THAP9: variants seen among roughly 807,000 people sequenced by gnomAD.
The protein encoded by THAP9 is DNA transposase THAP9.
Under a neutral mutation model 35.7 loss-of-function variants are expected in THAP9, and 20 were observed. The ratio of observed to expected loss-of-function variants is 0.56; its 90% CI spans 0.39 to 0.81. THAP9 has a LOEUF of 0.81. THAP9 is among the 40% of genes least tolerant of loss of function. The pLI, the probability that THAP9 is intolerant of heterozygous loss-of-function variation, is 0.00. For missense variants in THAP9, 870 were observed against 1,047.4 expected (o/e 0.83, Z 2.34); for synonymous variants, 335 against 373.7 (o/e 0.90, Z 1.19).
At chr4:82,910,059 T>G (rs1422166315) in intron 4 of THAP9, 1 of 152,142 alleles carries the variant, frequency 6.6e-6, no homozygotes, top group East Asian at 1.9e-4. Context: ...AGATTTCAGG[T>G]AACTTCTTAT....
rs979240484 is a variant in THAP9, at chr4:82,904,605, T to G, written c.81-131T>G. 7 of 839,336 alleles carry G rather than the reference T, an allele frequency of 8.3e-6. No homozygotes were observed. The African/African-American group carries it at 1.2e-4, about 14-fold the overall frequency. 52.0% of individuals were successfully genotyped at this position (839,336 alleles called of 1,614,324 possible). A position where few individuals can be genotyped will look rare whatever the true frequency, so the allele number is the denominator to read the frequency against. The stretch of plus-strand genomic sequence containing the variant: ...ACTTTGAAAAATGAACTAAGTAAAT[T>G]AAACTTTTAATTCACTTGGCTTTAT... On this transcript the variant is annotated intron_variant, in intron 1 of 4. Coordinates refer to ENST00000302236, the MANE Select transcript of THAP9 (RefSeq NM_024672.6).
rs564705394 is a variant in THAP9, at chr4:82,900,883, G to A, written c.80+1G>A. On this transcript the variant is annotated splice_donor_variant, in intron 1 of 4. Transcript: ENST00000302236. LOFTEE classifies it high-confidence loss of function. ...GGGAGCGCGGCCTCTCCTTCCACCA[G>A]TGCGTATGGGAGCAGCCTCGAAGCC... 2.5e-6 allele frequency: 4 copies of A among 1,613,284 alleles called. No homozygotes were observed. Among genetic ancestry groups the A allele is most frequent in the East Asian group, 2.2e-5 (1 of 44,866 alleles).
chr4:82,901,522 C>T (rs1720373673), intron 1 of THAP9, among the ~76,000 whole-genome samples: 1 of 151,676 alleles, frequency 6.6e-6, no homozygotes, highest in South Asian at 2.1e-4. Context: ...ATGGAAAGAT[C>T]AAAAAGAACT....
intron 4 of THAP9, chr4:82,910,004 G>C (rs1354147588): frequency 2.0e-5 from 3 of 151,926 alleles, no homozygotes; most frequent in Non-Finnish European, 4.4e-5. Flanking sequence ...CTCTTCACTG[G>C]TTTTAAAGCA....
chr4:82,918,237 A>G lies in THAP9; in HGVS notation c.2025A>G (p.Gln675=), dbSNP rs145354955. ...RRKDLALWTV[Q]RQYGVSVTKT... ...AAGACTTGGCGCTTTGGACAGTTCA[A>G]CGTCAGTATGGTGTCAGCGTTACAA... The change falls in exon 5 of 5, where the codon CAA becomes CAG. Residue 675 remains glutamine (Q), a synonymous_variant. Coordinates refer to ENST00000302236, the MANE Select transcript of THAP9 (RefSeq NM_024672.6). 1.9e-4 allele frequency: 302 copies of G among 1,614,194 alleles called. 1 individual carries two copies. In the East Asian group the frequency reaches 5.7e-3, roughly 30 times the overall value.
chr4:82,915,816 A>G (rs1380530627), intron 4 of THAP9, among the ~76,000 whole-genome samples: 2 of 152,016 alleles, frequency 1.3e-5, no homozygotes, highest in African/African-American at 4.8e-5. Flanking sequence ...GCATCCTATA[A>G]ATACTGTATT....
chr4:82,902,619 T>C (rs1385764425), intron 1 of THAP9, among the ~76,000 whole-genome samples: 1 of 152,190 alleles, frequency 6.6e-6, no homozygotes, highest in African/African-American at 2.4e-5. Flanking sequence ...CTATACCCAA[T>C]CTGTGGAAAA....
chr4:82,901,109 C>T (rs1560689915), intron 1 of THAP9: 8 of 699,352 alleles, frequency 1.1e-5, no homozygotes, highest in East Asian at 1.1e-4. Context: ...CTCGCACCGC[C>T]TACCGCTTTA....
intron 4 of THAP9, among the ~76,000 whole-genome samples, chr4:82,908,301 A>G (rs1358994735): frequency 6.6e-6 from 1 of 152,194 alleles, no homozygotes; most frequent in East Asian, 1.9e-4. Flanking sequence ...AGTATACTTC[A>G]GTAGTTTAAT....
At position 82,918,520 on chromosome 4, in the gene THAP9, C is replaced by T. The variant is rs774769281; in HGVS notation, c.2308C>T (p.Arg770Trp). The T allele has an allele frequency of 8.1e-6, 13 of 1,614,088 alleles. No individual in the cohort carries two copies. Among genetic ancestry groups the T allele is most frequent in the South Asian group, 5.5e-5 (5 of 91,070 alleles). Residue 770 changes from arginine to tryptophan, a missense_variant, in exon 5 of 5, where the codon CGG (arginine) becomes TGG (tryptophan). Transcript: ENST00000302236. ...GCATTTTCCTTCAGAAAGTCTGTGT[C>T]GGGTCATAAATATTTGTGAGCGAGT... ...GLHFPSESLCRVINICERVVR... is the reference protein window; with the variant it reads ...GLHFPSESLCWVINICERVVR...
chr4:82,915,478 A>G (rs556665286), intron 4 of THAP9, among the ~76,000 whole-genome samples: 1 of 152,138 alleles, frequency 6.6e-6, no homozygotes, highest in East Asian at 1.9e-4. Flanking sequence ...GCTGGTCTCA[A>G]ACTCCTGACC....
rs1217068315 is a variant in THAP9 at position 82,918,628 on chromosome 4, G to A, written c.2416G>A (p.Glu806Lys). 3.7e-6 allele frequency: 6 copies of A among 1,613,946 alleles called. No individual in the cohort carries two copies. Among genetic ancestry groups the A allele is most frequent in the Middle Eastern group, 3.3e-4 (2 of 6,084 alleles). The change falls in exon 5 of 5, where the codon GAG becomes AAG. Residue 806 changes from glutamate (E) to lysine (K), a missense_variant. By Grantham distance (56) the Glu-to-Lys change is moderately conservative. Coordinates refer to ENST00000302236, the MANE Select transcript of THAP9 (RefSeq NM_024672.6). ...GTATCTTCAACAGAAAATATTATGT[G>A]AGCTTTCTGGGCATATTAATCTTTT... The part of the protein sequence containing the change: ...ELYLQQKILC[E>K]LSGHINLFVD...
chr4:82,918,622 T>C lies in THAP9; in HGVS notation c.2410T>C (p.Leu804=), dbSNP rs766597973. 1.9e-6 allele frequency: 3 copies of C among 1,613,990 alleles called. No individual in the cohort carries two copies. The highest frequency in any genetic ancestry group is 1.3e-5 in the African/African-American group (1 of 74,948). The change falls in exon 5 of 5, where the codon TTA becomes CTA. Residue 804 remains leucine, a synonymous_variant. Coordinates refer to ENST00000302236, the MANE Select transcript of THAP9 (RefSeq NM_024672.6). ...QRELYLQQKI[L]CELSGHINLF... Reference sequence around the variant, plus strand: ...GGAATTGTATCTTCAACAGAAAATATTATGTGAGCTTTCTGGGCATATTAA... The same window carrying C: ...GGAATTGTATCTTCAACAGAAAATACTATGTGAGCTTTCTGGGCATATTAA...
intron 4 of THAP9, among the ~76,000 whole-genome samples, chr4:82,914,545 C>G (rs2125171): frequency 1.3e-5 from 2 of 151,886 alleles, no homozygotes; most frequent in African/African-American, 4.8e-5. Flanking sequence ...TATCTCATTG[C>G]GGTTTTGATT....
intron 2 of THAP9, among the ~76,000 whole-genome samples, chr4:82,905,530 C>T (rs1371392380): frequency 7.2e-5 from 1 of 13,976 alleles, no homozygotes; most frequent in African/African-American, 2.6e-4. Context: ...CCTTACTTTC[C>T]TCTTAATCGT....
Position 82,917,217 on chromosome 4 carries a change from A to G in THAP9, c.1005A>G (p.Thr335=). The change falls in exon 5 of 5, where the codon ACA becomes ACG. Residue 335 remains threonine (T), a synonymous_variant. Transcript: ENST00000302236. ...TGGGTATTTTTGGCCATTGGAGAACACCTCTTGGTTATTTTTTTGTAAACA... is the reference window on the plus strand; with the variant it reads ...TGGGTATTTTTGGCCATTGGAGAACGCCTCTTGGTTATTTTTTTGTAAACA... ...MAVGIFGHWR[T]PLGYFFVNRA... is the part of the protein sequence containing the mutation. The G allele has an allele frequency of 1.2e-6, 2 of 1,614,044 alleles. No homozygotes were observed. The highest frequency in any genetic ancestry group is 4.5e-5 in the East Asian group (2 of 44,880).
rs994712805 is a variant in THAP9, at chr4:82,907,913, C to T, written c.709C>T (p.Pro237Ser). The change falls in exon 4 of 5, where the codon CCT becomes TCT. Residue 237 changes from proline (P) to serine (S), a missense_variant. Transcript: ENST00000302236. ...TTATGTAAGAAAGATTCTTAAGCTG[C>T]CTCATTCTTCCATCCTCAGAACGTA... ...YDYVRKILKLPHSSILRTWLS... is the reference protein window; with the variant it reads ...YDYVRKILKLSHSSILRTWLS... 6.2e-7 allele frequency: 1 copy of T among 1,608,678 alleles called. No individual in the cohort carries two copies. The highest frequency in any genetic ancestry group is 1.3e-5 in the African/African-American group (1 of 74,696).
intron 1 of THAP9, among the ~76,000 whole-genome samples, chr4:82,901,722 T>G (rs555891832): frequency 0.012 from 1,842 of 150,556 alleles, 20 homozygotes; most frequent in Non-Finnish European, 0.011. Context: ...TTTTTTTTTT[T>G]TTTGTTTTCT....
At chr4:82,901,104 A>G in intron 1 of THAP9, 1 of 700,226 alleles carries the variant, frequency 1.4e-6, no homozygotes, top group Non-Finnish European at 2.6e-6. Context: ...CGGTTCTCGC[A>G]CCGCCTACCG....
Sources: allele counts gnomAD v4.1 joint callset (sites outside exome capture counted in the v4.1 genomes callset), GRCh38; gene constraint gnomAD v4.1.1; transcripts MANE v1.5; gene names NCBI Gene and HGNC (gene_info 2026-07-23, HGNC 2026-07-21).